ZNF845: variants seen among roughly 807,000 people sequenced by gnomAD.
ZNF845 encodes zinc finger protein 845.
A neutral mutation model predicts 76.1 loss-of-function variants in ZNF845; 59 were observed. The observed-to-expected ratio is 0.78, with a 90% confidence interval of 0.63 to 0.96. The LOEUF (loss-of-function observed/expected upper bound fraction) is 0.96, where lower values mean the gene tolerates loss of function less well. Among genes scored for constraint, ZNF845 ranks in the 40% least tolerant of loss-of-function variants. The pLI is 0.00. For synonymous variants in ZNF845, 361 were observed against 386.9 expected, an observed-to-expected ratio of 0.93 and a Z score of 0.78; for missense variants, 1,045 against 1,172.8, an observed-to-expected ratio of 0.89 and a Z score of 1.59.
chr19:53,335,550 G>A (rs1245552892), intron 1 of ZNF845, among the ~76,000 whole-genome samples: 1 of 152,070 alleles, frequency 6.6e-6, no homozygotes, highest in Admixed American at 6.5e-5. Context: ...TGGAATTACA[G>A]AGAGGAGCCA....
intron 3 of ZNF845, among the ~76,000 whole-genome samples, chr19:53,347,008 C>G (rs549671582): frequency 1.3e-5 from 2 of 151,978 alleles, no homozygotes; most frequent in Non-Finnish European, 2.9e-5. Context: ...CTCAGTTTTC[C>G]GAGTAGCTGG....
chr19:53,350,261 G>T (rs1020841530), intron 3 of ZNF845, among the ~76,000 whole-genome samples: 3 of 152,014 alleles, frequency 2.0e-5, no homozygotes, highest in African/African-American at 7.2e-5. Context: ...AGCCTCCTGA[G>T]TAGCTGGGAC....
rs1181122604 is a variant in ZNF845, at chr19:53,351,674, C to A, written c.999C>A (p.Gly333=). Residue 333 remains glycine, a synonymous_variant, in exon 4 of 4, where the codon GGC becomes GGA. Coordinates refer to ENST00000458035, the MANE Select transcript of ZNF845 (RefSeq NM_138374.3). ...GEKSYKCNEC[G]KTFSQTSYLV... is the part of the protein sequence containing the mutation. ...AATCTTACAAGTGTAATGAATGTGGCAAGACCTTCAGTCAAACGTCATACC... is the reference window on the plus strand; with the variant it reads ...AATCTTACAAGTGTAATGAATGTGGAAAGACCTTCAGTCAAACGTCATACC... 3 of 1,614,050 alleles carry A rather than the reference C, an allele frequency of 1.9e-6. No individual in the cohort carries two copies. The highest frequency in any genetic ancestry group is 2.5e-6 in the Non-Finnish European group (3 of 1,179,914).
chr19:53,350,801 G>T lies in ZNF845; in HGVS notation c.143-17G>T, dbSNP rs2085327299. The T allele has an allele frequency of 1.1e-5, 18 of 1,610,440 alleles. No individual in the cohort carries two copies. Among genetic ancestry groups the T allele is most frequent in the Non-Finnish European group, 1.4e-5 (16 of 1,178,610 alleles). On this transcript the variant is annotated splice_polypyrimidine_tract_variant and intron_variant, in intron 3 of 3. Transcript: ENST00000458035. ...TCTATACTTAAGTGGAAACCTATTG[G>T]TGTTTATATTTTCTAGATATCTCTT...
chr19:53,338,921 A>AAAAAAAAG, intron 1 of ZNF845, among the ~76,000 whole-genome samples: 1 of 151,434 alleles, frequency 6.6e-6, no homozygotes, highest in South Asian at 2.1e-4. Context: ...TCTACTAAAA[A>AAAAAAAAG]AAAAAAAGAA....
intron 2 of ZNF845, among the ~76,000 whole-genome samples, chr19:53,341,898 G>A (rs1599973340): frequency 1.3e-5 from 2 of 152,128 alleles, no homozygotes; most frequent in East Asian, 3.9e-4. Context: ...TTAAGAATAG[G>A]AAATCAACCT....
rs1487672034 is a variant in ZNF845 at position 53,351,580 on chromosome 19, G to GT, written c.906dup (p.Glu303Ter). 9 of 1,613,220 alleles carry GT rather than the reference G, an allele frequency of 5.6e-6. No homozygotes were observed. In the Admixed American group the frequency reaches 1.5e-4, roughly 27 times the overall value. ...ACTGGAGAGAAACATTACAAGTGCAGTGAGTGTGGCAAGACCTTCAGTCGA... is the reference window on the plus strand; with the variant it reads ...ACTGGAGAGAAACATTACAAGTGCAGTTGAGTGTGGCAAGACCTTCAGTCGA... On this transcript the variant is annotated frameshift_variant, in exon 4 of 4. Coordinates refer to ENST00000458035, the MANE Select transcript of ZNF845 (RefSeq NM_138374.3). LOFTEE classifies it high-confidence loss of function.
chr19:53,353,862 T>A lies in ZNF845; in HGVS notation c.*274T>A, dbSNP rs535875238. On this transcript the variant is annotated 3_prime_UTR_variant, in exon 4 of 4. Transcript: ENST00000458035. ...TACTAATGTAATGATTATCACAAAG[T>A]CTTCAGTAACACTACAACCGTTTCA... The A allele has an allele frequency of 2.4e-6, 3 of 1,252,190 alleles. No homozygotes were observed. The East Asian group carries it at 7.3e-5, about 31-fold the overall frequency. 77.6% of individuals were successfully genotyped at this position (1,252,190 alleles called of 1,614,324 possible). A position where few individuals can be genotyped will look rare whatever the true frequency, so the allele number is the denominator to read the frequency against.
intron 1 of ZNF845, 81 bp from the exon 2 acceptor site, chr19:53,341,154 G>A (rs2085253741): frequency 8.0e-7 from 1 of 1,247,498 alleles, no homozygotes; most frequent in African/African-American, 1.5e-5. Flanking sequence ...CTCAGGGTGA[G>A]GTCTCCTTTG....
intron 3 of ZNF845, among the ~76,000 whole-genome samples, chr19:53,349,987 A>G (rs1257147777): frequency 1.3e-5 from 2 of 152,132 alleles, no homozygotes; most frequent in African/African-American, 4.8e-5. Context: ...GTGAGACAAG[A>G]CTGGGCCATT....
chr19:53,351,679 C>T lies in ZNF845; in HGVS notation c.1004C>T (p.Thr335Ile). The T allele has an allele frequency of 6.2e-7, 1 of 1,614,056 alleles. No individual in the cohort carries two copies. The highest frequency in any genetic ancestry group is 8.5e-7 in the Non-Finnish European group (1 of 1,179,918). The change falls in exon 4 of 4, where the codon ACC becomes ATC. Residue 335 changes from threonine (T) to isoleucine (I), a missense_variant. Physicochemically the swap from Thr to Ile is moderately conservative, Grantham distance 89 (BLOSUM62 -1). Coordinates refer to ENST00000458035, the MANE Select transcript of ZNF845 (RefSeq NM_138374.3). ...TACAAGTGTAATGAATGTGGCAAGA[C>T]CTTCAGTCAAACGTCATACCTTGTG... ...KSYKCNECGK[T>I]FSQTSYLVYH...
rs2085380883 is a variant in ZNF845, at chr19:53,355,623, C to T, written c.*2035C>T. 1 of 152,084 alleles carries T rather than the reference C, an allele frequency of 6.6e-6. No homozygotes were observed. Among genetic ancestry groups the T allele is most frequent in the Admixed American group, 6.6e-5 (1 of 15,266 alleles). The allele number at this position is 152,084 out of a possible 1,614,324, so 9.4% of individuals were successfully genotyped here. On this transcript the variant is annotated 3_prime_UTR_variant, in exon 4 of 4. Coordinates refer to ENST00000458035, the MANE Select transcript of ZNF845 (RefSeq NM_138374.3). ...CAAATGTAATTTTACTTCTGTCTTT[C>T]TGATTTGGATGAGTTTTATTTCTTT... is the stretch of plus-strand genomic sequence containing the variant.
chr19:53,345,569 C>A lies in ZNF845; in HGVS notation c.79C>A (p.Pro27Thr), dbSNP rs746499261. 1 of 1,613,392 alleles carries A rather than the reference C, an allele frequency of 6.2e-7. No homozygotes were observed. The highest frequency in any genetic ancestry group is 1.1e-5 in the South Asian group (1 of 91,036). ...TCAGGAAGAGTGGAAGTGCCTGGAC[C>A]CTGCTCAGAGGACTCTATACAGGGA... Reference protein sequence around the residue: ...FSQEEWKCLDPAQRTLYRDVM... With the variant: ...FSQEEWKCLDTAQRTLYRDVM... The change falls in exon 3 of 4, where the codon CCT (proline) becomes ACT (threonine). Residue 27 changes from proline (P) to threonine (T), a missense_variant. By Grantham distance (38) the Pro-to-Thr change is conservative. Coordinates refer to ENST00000458035, the MANE Select transcript of ZNF845 (RefSeq NM_138374.3).
In ZNF845 at chr19:53,353,884, T is replaced by G; in HGVS notation, c.*296T>G. The G allele has an allele frequency of 8.9e-7, 1 of 1,118,880 alleles. No homozygotes were observed. Among genetic ancestry groups the G allele is most frequent in the Non-Finnish European group, 1.3e-6 (1 of 791,934 alleles). The allele number at this position is 1,118,880 out of a possible 1,614,324, so 69.3% of individuals were successfully genotyped here. A position where few individuals can be genotyped will look rare whatever the true frequency, so the allele number is the denominator to read the frequency against. ...AAGTCTTCAGTAACACTACAACCGT[T>G]TCAAATCATTGGAGAATCCATAATG... On this transcript the variant is annotated 3_prime_UTR_variant, in exon 4 of 4. Transcript: ENST00000458035.
In ZNF845 at chr19:53,355,434, G is replaced by A. The variant is rs2085378882; in HGVS notation, c.*1846G>A. 6.6e-6 allele frequency: 1 copy of A among 151,628 alleles called. No homozygotes were observed. Among genetic ancestry groups the A allele is most frequent in the Non-Finnish European group, 1.5e-5 (1 of 67,962 alleles). The allele number at this position is 151,628 out of a possible 1,614,324, so 9.4% of individuals were successfully genotyped here. ...TAATTTATTTATTTTTTTTATTTTA[G>A]TAAAGACGGGGTTTCACCATGTTGG... On this transcript the variant is annotated 3_prime_UTR_variant, in exon 4 of 4. Coordinates refer to ENST00000458035, the MANE Select transcript of ZNF845 (RefSeq NM_138374.3).
intron 3 of ZNF845, among the ~76,000 whole-genome samples, chr19:53,349,137 A>AT (rs556128297): frequency 1.2e-3 from 178 of 152,030 alleles, no homozygotes; most frequent in African/African-American, 3.7e-3. Flanking sequence ...GATTACAGGC[A>AT]TGAACCACAG....
At chr19:53,334,668 G>A (rs2085200128) in intron 1 of ZNF845, among the ~76,000 whole-genome samples, 1 of 151,772 alleles carries the variant, frequency 6.6e-6, no homozygotes, top group Admixed American at 6.6e-5. Flanking sequence ...TAGGAGACTG[G>A]GGCAGAGGGA....
intron 1 of ZNF845, among the ~76,000 whole-genome samples, chr19:53,335,433 G>A (rs1466974814): frequency 2.0e-5 from 3 of 151,164 alleles, no homozygotes; most frequent in African/African-American, 7.3e-5. Flanking sequence ...GCTAGGTTTT[G>A]TATTTTTTTT....
chr19:53,353,940 A>G lies in ZNF845; in HGVS notation c.*352A>G, dbSNP rs191683588. The G allele has an allele frequency of 3.1e-4, 219 of 708,736 alleles. No individual in the cohort carries two copies. Among genetic ancestry groups the G allele is most frequent in the Middle Eastern group, 1.9e-3 (7 of 3,698 alleles). 43.9% of individuals were successfully genotyped at this position (708,736 alleles called of 1,614,324 possible). A position where few individuals can be genotyped will look rare whatever the true frequency, so the allele number is the denominator to read the frequency against. On this transcript the variant is annotated 3_prime_UTR_variant, in exon 4 of 4. Transcript: ENST00000458035. ...TTTTGAAAGTGTAATAAATGTGGCA[A>G]ATTTTTCAGACATTGTTCATACCTT...
Sources: allele counts gnomAD v4.1 joint callset (sites outside exome capture counted in the v4.1 genomes callset), GRCh38; gene constraint gnomAD v4.1.1; transcripts MANE v1.5; gene names NCBI Gene and HGNC (gene_info 2026-07-23, HGNC 2026-07-21).